The following MAP2 variants were observed in gnomAD, a reference collection of about 807,000 sequenced individuals.
MAP2 encodes the protein microtubule-associated protein 2.
A neutral mutation model predicts 137.6 loss-of-function variants in MAP2; 14 were observed. The ratio of observed to expected loss-of-function variants is 0.10; its 90% confidence interval spans 0.07 to 0.16. The LOEUF is 0.16. MAP2 is among the 10% of genes least tolerant of loss of function. The pLI is 1.00. For missense variants in MAP2, 2,088 were observed against 2,191.5 expected (o/e 0.95, Z 0.94); for synonymous variants, 786 against 782.3 (o/e 1.00, Z -0.08).
At chr2:209,479,089 A>C (rs572108479) in intron 1 of MAP2, among the ~76,000 whole-genome samples, 88 of 152,172 alleles carry the variant, frequency 5.8e-4, no homozygotes, top group Admixed American at 2.4e-3. Context: ...ATTCATTTTC[A>C]AATTACAAAA....
At chr2:209,593,861 T>C (rs1249719931) in intron 3 of MAP2, among the ~76,000 whole-genome samples, 6 of 113,636 alleles carry the variant, frequency 5.3e-5, no homozygotes, top group South Asian at 2.4e-4. Context: ...TTATAAAATA[T>C]ATATTTATAT....
intron 2 of MAP2, among the ~76,000 whole-genome samples, chr2:209,525,993 G>T (rs1480235962): frequency 1.3e-5 from 2 of 151,266 alleles, no homozygotes; most frequent in Non-Finnish European, 2.9e-5. Flanking sequence ...TTTTTTTCTG[G>T]GTAGAAGAAT....
intron 2 of MAP2, among the ~76,000 whole-genome samples, chr2:209,570,510 T>A (rs1442170147): frequency 6.6e-6 from 1 of 151,950 alleles, no homozygotes; most frequent in Non-Finnish European, 1.5e-5. Flanking sequence ...AGGTTCTTAA[T>A]CATTTTATCA....
At chr2:209,599,366 T>C (rs1344100545) in intron 3 of MAP2, among the ~76,000 whole-genome samples, 1 of 152,118 alleles carries the variant, frequency 6.6e-6, no homozygotes, top group African/African-American at 2.4e-5. Flanking sequence ...TCAGATTTAT[T>C]CTCTTCTCTT....
rs112537633 is a variant in MAP2, at chr2:209,440,557, G to T, written c.-222+16281G>T. On this transcript the variant is annotated intron_variant, in intron 1 of 15. Transcript: ENST00000682079. ...AGACTGCTTGTTTTATGGTTAATTG[G>T]AAGAGCATTGCATTAATTCACACTT... 6.7e-3 allele frequency among the ~76,000 whole-genome samples: 1,018 copies of T among 151,570 alleles called. 13 individuals are homozygous for T. The highest frequency in any genetic ancestry group is 0.023 in the African/African-American group (961 of 41,468).
At chr2:209,585,197 C>T (rs1336964511) in intron 3 of MAP2, among the ~76,000 whole-genome samples, 2 of 150,268 alleles carry the variant, frequency 1.3e-5, no homozygotes, top group Admixed American at 1.3e-4. Context: ...AATCTCTTGG[C>T]AGTACCTGCA....
At chr2:209,666,519 C>T (rs556203994) in intron 5 of MAP2, among the ~76,000 whole-genome samples, 1 of 152,122 alleles carries the variant, frequency 6.6e-6, no homozygotes, top group Non-Finnish European at 1.5e-5. Flanking sequence ...TCCCTTCTCT[C>T]ATCTGCCATC....
intron 2 of MAP2, among the ~76,000 whole-genome samples, chr2:209,520,463 G>A (rs571688431): frequency 3.3e-5 from 5 of 152,142 alleles, no homozygotes; most frequent in African/African-American, 1.2e-4. Flanking sequence ...TTCTAATAAT[G>A]ACTAATAATG....
At position 209,449,015 on chromosome 2, in the gene MAP2, A is replaced by G. The variant is rs527728373; in HGVS notation, c.-222+24739A>G. On this transcript the variant is annotated intron_variant, in intron 1 of 15. Coordinates refer to ENST00000682079, the MANE Select transcript of MAP2 (RefSeq NM_001375505.1). ...AACTAAAGCCTGCTTTTATAATGTC[A>G]TTGTTAGAGTCCCATAACTAACCAG... is the stretch of plus-strand genomic sequence containing the variant. 1.5e-4 allele frequency among the ~76,000 whole-genome samples: 23 copies of G among 152,252 alleles called. No homozygotes were observed. In the South Asian group the frequency reaches 4.6e-3, roughly 30 times the overall value.
chr2:209,694,993 T>C lies in MAP2; in HGVS notation c.2823T>C (p.Gly941=), dbSNP rs140435275. The change falls in exon 8 of 16, where the codon GGT becomes GGC. Residue 941 remains glycine, a synonymous_variant. Transcript: ENST00000682079. ...AAGAAGCATCCGCGCATATCTCTGG[T>C]GACAAATCAGGACTGAGTAAGGAGT... The part of the protein sequence containing the change: ...VDKEASAHIS[G]DKSGLSKEFD... The C allele has an allele frequency of 7.4e-6, 12 of 1,614,036 alleles. No homozygotes were observed. The highest frequency in any genetic ancestry group is 1.6e-4 in the Middle Eastern group (1 of 6,082).
intron 13 of MAP2, among the ~76,000 whole-genome samples, chr2:209,720,979 TC>T (rs1334108110): frequency 6.6e-6 from 1 of 152,104 alleles, no homozygotes; most frequent in African/African-American, 2.4e-5. Context: ...AATATGGCCT[TC>T]TCCTTCACAG....
At chr2:209,697,523 G>C (rs138886825) in intron 10 of MAP2, among the ~76,000 whole-genome samples, 3 of 152,012 alleles carry the variant, frequency 2.0e-5, no homozygotes, top group African/African-American at 7.2e-5. Context: ...TTTAGATACT[G>C]AAAATGAAAA....
chr2:209,698,228 G>A (rs1181708395), intron 10 of MAP2, among the ~76,000 whole-genome samples: 1 of 152,060 alleles, frequency 6.6e-6, no homozygotes, highest in Non-Finnish European at 1.5e-5. Flanking sequence ...AATGAAACTT[G>A]TTGGAAACCA....
chr2:209,553,146 G>A (rs10207186), intron 2 of MAP2, among the ~76,000 whole-genome samples: 28,587 of 151,194 alleles, frequency 0.19, 3,525 homozygotes, highest in African/African-American at 0.36. Flanking sequence ...GGAGTAGCTC[G>A]GACTACAGGC....
At chr2:209,558,729 G>A (rs913685051) in intron 2 of MAP2, among the ~76,000 whole-genome samples, 8 of 151,144 alleles carry the variant, frequency 5.3e-5, no homozygotes, top group African/African-American at 2.0e-4. Context: ...AGGTTACCAT[G>A]TTTCTTTAGT....
chr2:209,609,155 T>C (rs1283808382), intron 3 of MAP2, among the ~76,000 whole-genome samples: 2 of 151,968 alleles, frequency 1.3e-5, no homozygotes, highest in Admixed American at 1.3e-4. Context: ...TAATGCCTAA[T>C]ATATAGTAAC....
intron 5 of MAP2, among the ~76,000 whole-genome samples, chr2:209,664,693 T>C (rs1174160037): frequency 1.3e-5 from 2 of 152,034 alleles, no homozygotes; most frequent in Non-Finnish European, 2.9e-5. Flanking sequence ...AAACCGTGGC[T>C]CATGCCTCTA....
At chr2:209,544,421 A>G (rs947736750) in intron 2 of MAP2, among the ~76,000 whole-genome samples, 37 of 152,186 alleles carry the variant, frequency 2.4e-4, no homozygotes, top group Admixed American at 2.4e-3. Context: ...AGGGAGGTCT[A>G]TCTATCTATG....
At chr2:209,666,506 A>G (rs2046366602) in intron 5 of MAP2, among the ~76,000 whole-genome samples, 1 of 152,094 alleles carries the variant, frequency 6.6e-6, no homozygotes, top group East Asian at 1.9e-4. Flanking sequence ...GAATAACAGT[A>G]GTTCCCTTCT....
Sources: allele counts gnomAD v4.1 joint callset (sites outside exome capture counted in the v4.1 genomes callset), GRCh38; gene constraint gnomAD v4.1.1; transcripts MANE v1.5; gene names NCBI Gene and HGNC (gene_info 2026-07-23, HGNC 2026-07-21).